Variants in TNPO3 observed in about 807,000 individuals in gnomAD.
TNPO3 encodes the protein transportin 3.
A neutral mutation model predicts 122.8 loss-of-function variants in TNPO3; 65 were observed. The ratio of observed to expected loss-of-function variants is 0.53; its 90% confidence interval spans 0.43 to 0.65. The LOEUF is 0.65. Ranked by LOEUF, TNPO3 falls within the 30% of genes least tolerant of loss-of-function variation. TNPO3 has a pLI of 0.00. For missense variants in TNPO3, 850 were observed against 1,136.7 expected, an observed-to-expected ratio of 0.75 and a Z score of 3.63; for synonymous variants, 372 against 411.2, an observed-to-expected ratio of 0.90 and a Z score of 1.15.
At chr7:128,996,512 G>A (rs1801331254) in intron 8 of TNPO3, among the ~76,000 whole-genome samples, 1 of 152,066 alleles carries the variant, frequency 6.6e-6, no homozygotes, top group African/African-American at 2.4e-5. Flanking sequence ...GGGAGGCTGA[G>A]GTGGGTGGAT....
At chr7:128,979,534 A>G (rs968914243) in intron 15 of TNPO3, among the ~76,000 whole-genome samples, 1 of 152,240 alleles carries the variant, frequency 6.6e-6, no homozygotes, top group Non-Finnish European at 1.5e-5. Context: ...GACACTTAAG[A>G]GTATTTAGTG....
chr7:129,048,536 T>C (rs79890422), intron 1 of TNPO3, among the ~76,000 whole-genome samples: 6,719 of 151,110 alleles, frequency 0.044, 205 homozygotes, highest in Middle Eastern at 0.1. Context: ...TCTCAAAAAA[T>C]AAATAAACAA....
Position 129,014,998 on chromosome 7 carries a change from C to T in TNPO3, c.533G>A (p.Ser178Asn). 1.2e-6 allele frequency: 2 copies of T among 1,609,494 alleles called. No homozygotes were observed. The highest frequency in any genetic ancestry group is 3.4e-5 in the Admixed American group (2 of 58,142). Residue 178 changes from serine to asparagine, a missense_variant, in exon 4 of 23, where the codon AGT becomes AAT. Transcript: ENST00000265388. ...ACTCACCAATAGAGATACTACTGTA[C>T]TAGAGTAGAAGGCCAAATCTTCTAT... ...EIIEDLAFYSSTVVSLLMTCV... is the reference protein window; with the variant it reads ...EIIEDLAFYSNTVVSLLMTCV...
At chr7:128,997,754 A>G (rs534279137) in intron 7 of TNPO3, among the ~76,000 whole-genome samples, 1 of 152,348 alleles carries the variant, frequency 6.6e-6, no homozygotes, top group African/African-American at 2.4e-5. Context: ...CTGGCTTTAC[A>G]TTCCATTTAG....
At chr7:129,036,414 GA>G (rs923310752) in intron 1 of TNPO3, among the ~76,000 whole-genome samples, 3 of 149,596 alleles carry the variant, frequency 2.0e-5, no homozygotes, top group Admixed American at 2.0e-4. Context: ...CATCATAAAA[GA>G]AAAAAAAATA....
Position 129,047,662 on chromosome 7 carries a change from G to A in TNPO3, c.120+6989C>T, listed in dbSNP as rs143204750. On this transcript the variant is annotated intron_variant, in intron 1 of 22. Transcript: ENST00000265388. ...CACGTCTACTGTCACCAGGTCATTC[G>A]AACTATACTCAATTACTCTCGGATT... Among the ~76,000 whole-genome samples the A allele has an allele frequency of 9.8e-3, 1,492 of 152,280 alleles. 24 individuals carry two copies. The highest frequency in any genetic ancestry group is 0.034 in the African/African-American group (1,407 of 41,560).
chr7:128,985,270 T>A (rs1254888626), intron 12 of TNPO3, among the ~76,000 whole-genome samples: 1 of 152,238 alleles, frequency 6.6e-6, no homozygotes, highest in Non-Finnish European at 1.5e-5. Flanking sequence ...ATTTTCCTTT[T>A]AATTAATTCC....
At chr7:128,985,718 A>C (rs1347076367) in intron 12 of TNPO3, among the ~76,000 whole-genome samples, 1 of 152,208 alleles carries the variant, frequency 6.6e-6, no homozygotes, top group Non-Finnish European at 1.5e-5. Flanking sequence ...AATAAATTCC[A>C]CTAGAAAATG....
chr7:129,025,804 T>G (rs180754975), intron 1 of TNPO3, among the ~76,000 whole-genome samples: 84 of 152,208 alleles, frequency 5.5e-4, no homozygotes, highest in African/African-American at 1.9e-3. Context: ...GTGTTTACAT[T>G]TAGAAAATAA....
intron 20 of TNPO3, among the ~76,000 whole-genome samples, chr7:128,969,294 T>C (rs1010914375): frequency 3.3e-5 from 5 of 152,168 alleles, no homozygotes; most frequent in African/African-American, 1.2e-4. Context: ...AAAAAGTACT[T>C]TTCTTTAGAA....
chr7:129,055,941 G>A, upstream of TNPO3: 1 of 669,052 alleles, frequency 1.5e-6, no homozygotes, highest in Non-Finnish European at 2.7e-6. Flanking sequence ...CATTTAATCC[G>A]CCTAACAACC....
At chr7:129,013,434 C>CAAAAAAAAAAAAAA (rs3993440) in intron 4 of TNPO3, among the ~76,000 whole-genome samples, 1 of 127,744 alleles carries the variant, frequency 7.8e-6, no homozygotes, top group Non-Finnish European at 1.6e-5. Context: ...CAAATAATAG[C>CAAAAAAAAAAAAAA]AAAAAAAAAA....
chr7:129,046,147 G>C (rs1189637808), intron 1 of TNPO3, among the ~76,000 whole-genome samples: 1 of 124,024 alleles, frequency 8.1e-6, no homozygotes, highest in Non-Finnish European at 1.6e-5. Flanking sequence ...AGTGAGCCAA[G>C]ATTGCACCAC....
intron 20 of TNPO3, among the ~76,000 whole-genome samples, chr7:128,967,667 C>T (rs962525508): frequency 5.9e-5 from 9 of 152,120 alleles, no homozygotes; most frequent in Admixed American, 4.6e-4. Flanking sequence ...GAAGTTTCTT[C>T]GGGATGAGGC....
upstream of TNPO3, chr7:129,056,176 G>T: frequency 1.1e-6 from 1 of 898,498 alleles, no homozygotes; most frequent in East Asian, 2.4e-5. Flanking sequence ...GAGTTGGCCC[G>T]GCAGAAGCTA....
intron 1 of TNPO3, among the ~76,000 whole-genome samples, chr7:129,018,903 G>C (rs74983746): frequency 0.095 from 14,426 of 152,080 alleles, 750 homozygotes; most frequent in Non-Finnish European, 0.12. Context: ...ATTTTTAGTA[G>C]AGGCGAGGTT....
intron 3 of TNPO3, 27 bp from the exon 4 acceptor site, chr7:129,015,162 T>C: frequency 6.3e-7 from 1 of 1,597,878 alleles, no homozygotes; most frequent in Non-Finnish European, 8.5e-7. Context: ...TGGAGATATG[T>C]TATTTATAGC....
intron 1 of TNPO3, among the ~76,000 whole-genome samples, chr7:129,048,285 T>C (rs1808293191): frequency 6.6e-6 from 1 of 152,042 alleles, no homozygotes; most frequent in African/African-American, 2.4e-5. Context: ...TCCCAGCACT[T>C]TGGGAGGCCA....
intron 11 of TNPO3, among the ~76,000 whole-genome samples, chr7:128,987,972 C>CT (rs1008670075): frequency 4.6e-5 from 7 of 151,370 alleles, no homozygotes; most frequent in Admixed American, 2.0e-4. Flanking sequence ...ATAATAACAT[C>CT]TTTTTTTTTC....
Sources: gnomAD v4.1 joint callset for allele counts (sites outside exome capture counted in the v4.1 genomes callset) on GRCh38, gnomAD v4.1.1 for gene constraint, MANE v1.5 for transcripts, NCBI Gene and HGNC (gene_info 2026-07-23, HGNC 2026-07-21) for gene names.